STEAP2: variants seen among roughly 807,000 people sequenced by gnomAD.
The protein encoded by STEAP2 is metalloreductase STEAP2.
A neutral mutation model predicts 46.4 loss-of-function variants in STEAP2; 30 were observed. That is an observed-to-expected ratio of 0.65 (90% CI 0.48 to 0.88). The LOEUF is 0.88. Ranked by LOEUF, STEAP2 falls within the 40% of genes least tolerant of loss-of-function variation. The pLI is 0.00. For synonymous variants in STEAP2, 180 were observed against 200.5 expected (o/e 0.90, Z 0.86); for missense variants, 513 against 579.3 (o/e 0.89, Z 1.18).
intron 2 of STEAP2, among the ~76,000 whole-genome samples, chr7:90,222,449 C>A (rs1795291109): frequency 6.6e-6 from 1 of 152,134 alleles, no homozygotes. Context: ...TATAACCCCC[C>A]AAAAACACCC....
In STEAP2 at chr7:90,236,569, T is replaced by C. The variant is rs2116410819; in HGVS notation, c.*3945T>C. On this transcript the variant is annotated 3_prime_UTR_variant, in exon 6 of 6. Transcript: ENST00000394621. ...ATAATTTCAGTGGAAACTCAATCTGTTTTTACCTTTAAACAGTGAATTTTA... is the reference window on the plus strand; with the variant it reads ...ATAATTTCAGTGGAAACTCAATCTGCTTTTACCTTTAAACAGTGAATTTTA... The C allele has an allele frequency of 1.3e-5, 14 of 1,049,718 alleles. No individual in the cohort carries two copies. The highest frequency in any genetic ancestry group is 3.6e-5 in the South Asian group (1 of 27,774). 65.0% of individuals were successfully genotyped at this position (1,049,718 alleles called of 1,614,324 possible). A position where few individuals can be genotyped will look rare whatever the true frequency, so the allele number is the denominator to read the frequency against.
At chr7:90,223,636 C>G (rs752358217) in intron 2 of STEAP2, among the ~76,000 whole-genome samples, 7 of 152,104 alleles carry the variant, frequency 4.6e-5, no homozygotes, top group Non-Finnish European at 1.0e-4. Flanking sequence ...TGTCCTTGAC[C>G]AAAGCACAGC....
intron 2 of STEAP2, among the ~76,000 whole-genome samples, chr7:90,220,366 T>C (rs1795203563): frequency 6.6e-6 from 1 of 152,222 alleles, no homozygotes. Flanking sequence ...TGGTAGCTTG[T>C]ATATGTGTAG....
chr7:90,222,222 G>T lies in STEAP2; in HGVS notation c.-33-2828G>T, dbSNP rs772251492. ...GTTTTTTTCCTACCCTGGTACCTCT[G>T]ACTCCTGCCTGCCTTTCTGGGTGCA... is the stretch of plus-strand genomic sequence containing the variant. On this transcript the variant is annotated intron_variant, in intron 2 of 5. Transcript: ENST00000394621. 2.5e-4 allele frequency among the ~76,000 whole-genome samples: 38 copies of T among 152,104 alleles called. No homozygotes were observed. The Middle Eastern group carries it at 0.024, about 95-fold the overall frequency.
chr7:90,227,034 A>G lies in STEAP2; in HGVS notation c.556A>G (p.Asn186Asp), dbSNP rs1795521421. The change falls in exon 4 of 6, where the codon AAT becomes GAT. Residue 186 changes from asparagine to aspartate, a missense_variant. Transcript: ENST00000394621. The part of the protein sequence containing the change: ...QQVIELARQL[N>D]FIPIDLGSLS... Reference sequence around the variant, plus strand: ...GGTTATTGAACTTGCCCGCCAGTTGAATTTCATTCCCATTGACTTGGGATC... The same window carrying G: ...GGTTATTGAACTTGCCCGCCAGTTGGATTTCATTCCCATTGACTTGGGATC... 6.2e-7 allele frequency: 1 copy of G among 1,612,862 alleles called. No individual in the cohort carries two copies. Among genetic ancestry groups the G allele is most frequent in the Non-Finnish European group, 8.5e-7 (1 of 1,179,540 alleles).
At chr7:90,223,300 C>T (rs908813957) in intron 2 of STEAP2, among the ~76,000 whole-genome samples, 1 of 152,200 alleles carries the variant, frequency 6.6e-6, no homozygotes, top group African/African-American at 2.4e-5. Flanking sequence ...CCCACACACA[C>T]AGCTCCCTTG....
rs1795870559 is a variant in STEAP2 at position 90,234,122 on chromosome 7, A to AG, written c.*1501dup. 1 of 985,250 alleles carries AG rather than the reference A, an allele frequency of 1.0e-6. No homozygotes were observed. The highest frequency in any genetic ancestry group is 4.7e-5 in the South Asian group (1 of 21,292). The allele number at this position is 985,250 out of a possible 1,614,324, so 61.0% of individuals were successfully genotyped here. A position where few individuals can be genotyped will look rare whatever the true frequency, so the allele number is the denominator to read the frequency against. ...TCTCCTGCCTGCATAACCATTCATTAGGGAGTACTTTACAAGCATGAAGGA... is the reference window on the plus strand; with the variant it reads ...TCTCCTGCCTGCATAACCATTCATTAGGGGAGTACTTTACAAGCATGAAGGA... On this transcript the variant is annotated 3_prime_UTR_variant, in exon 6 of 6. Coordinates refer to ENST00000394621, the MANE Select transcript of STEAP2 (RefSeq NM_001244944.2).
chr7:90,218,066 T>G (rs1795102718), intron 2 of STEAP2, among the ~76,000 whole-genome samples: 1 of 152,186 alleles, frequency 6.6e-6, no homozygotes, highest in Admixed American at 6.5e-5. Context: ...TTTGTTTGTC[T>G]TCTTTGGAAA....
chr7:90,240,615 T>C (rs1562820895), downstream of STEAP2, among the ~76,000 whole-genome samples: 1 of 152,058 alleles, frequency 6.6e-6, no homozygotes, highest in Non-Finnish European at 1.5e-5. The surrounding 1 kb of genome is among the most constrained non-coding windows in gnomAD (Gnocchi z 4.1). Context: ...CAAGAAAAAG[T>C]CAGAAGGAAA....
chr7:90,226,968 C>T lies in STEAP2; in HGVS notation c.493-3C>T, dbSNP rs776745420. The stretch of plus-strand genomic sequence containing the variant: ...ATGCTGAGTCTTTTTGTTTTTTCCA[C>T]AGGTTTATATATGCAGCAACAATAT... On this transcript the variant is annotated splice_region_variant and splice_polypyrimidine_tract_variant and intron_variant, in intron 3 of 5. Coordinates refer to ENST00000394621, the MANE Select transcript of STEAP2 (RefSeq NM_001244944.2). 4.5e-6 allele frequency: 7 copies of T among 1,554,364 alleles called. No homozygotes were observed. The Admixed American group carries it at 6.3e-5, about 14-fold the overall frequency.
rs532580443 is a variant in STEAP2 at position 90,236,504 on chromosome 7, G to A, written c.*3880G>A. Reference sequence around the variant, plus strand: ...ATCAGTGGGTAAAACAAATTCTGATGTACATTCAGGACAAATGATTAGCCC... The same window carrying A: ...ATCAGTGGGTAAAACAAATTCTGATATACATTCAGGACAAATGATTAGCCC... On this transcript the variant is annotated 3_prime_UTR_variant, in exon 6 of 6. Coordinates refer to ENST00000394621, the MANE Select transcript of STEAP2 (RefSeq NM_001244944.2). The A allele has an allele frequency of 7.1e-5, 71 of 1,005,538 alleles. No homozygotes were observed. In the African/African-American group the frequency reaches 8.7e-4, roughly 12 times the overall value. 62.3% of individuals were successfully genotyped at this position (1,005,538 alleles called of 1,614,324 possible).
downstream of STEAP2, among the ~76,000 whole-genome samples, chr7:90,241,265 G>A (rs141593511): frequency 4.1e-4 from 63 of 152,164 alleles, no homozygotes; most frequent in Non-Finnish European, 6.5e-4. Flanking sequence ...TCTCAGAATG[G>A]AGATTCTGAG....
At position 90,223,036 on chromosome 7, in the gene STEAP2, A is replaced by G. The variant is rs1040768111; in HGVS notation, c.-33-2014A>G. Among the ~76,000 whole-genome samples, 4 of 152,190 alleles carry G rather than the reference A, an allele frequency of 2.6e-5. No homozygotes were observed. In the East Asian group the frequency reaches 7.7e-4, roughly 29 times the overall value. On this transcript the variant is annotated intron_variant, in intron 2 of 5. Coordinates refer to ENST00000394621, the MANE Select transcript of STEAP2 (RefSeq NM_001244944.2). ...TATTCTTGAGCAAATTATTCCAAAT[A>G]TGAACATTTCAGATGCTAGTCTCTC... is the stretch of plus-strand genomic sequence containing the variant.
rs201387503 is a variant in STEAP2 at position 90,232,411 on chromosome 7, G to T, written c.1260G>T (p.Glu420Asp). ...TTTATGGATGGAAACGAGCTTTTGA[G>T]GAAGAGTACTACAGATTTTATACAC... ...VLIYGWKRAF[E>D]EEYYRFYTPP... Residue 420 changes from glutamate (E) to aspartate (D), a missense_variant, in exon 6 of 6, where the codon GAG (glutamate) becomes GAT (aspartate). Coordinates refer to ENST00000394621, the MANE Select transcript of STEAP2 (RefSeq NM_001244944.2). The T allele has an allele frequency of 1.2e-6, 2 of 1,613,342 alleles. No individual in the cohort carries two copies. The highest frequency in any genetic ancestry group is 4.5e-5 in the East Asian group (2 of 44,858).
rs542622634 is a variant in STEAP2, at chr7:90,233,147, A to G, written c.*523A>G. 6 of 984,752 alleles carry G rather than the reference A, an allele frequency of 6.1e-6. No homozygotes were observed. The South Asian group carries it at 2.8e-4, about 46-fold the overall frequency. 61.0% of individuals were successfully genotyped at this position (984,752 alleles called of 1,614,324 possible). A position where few individuals can be genotyped will look rare whatever the true frequency, so the allele number is the denominator to read the frequency against. On this transcript the variant is annotated 3_prime_UTR_variant, in exon 6 of 6. Coordinates refer to ENST00000394621, the MANE Select transcript of STEAP2 (RefSeq NM_001244944.2). ...TCCTATATTTCTCTCATAAAATAGGATTTGAAGGATGAAATTAATTGTATG... is the reference window on the plus strand; with the variant it reads ...TCCTATATTTCTCTCATAAAATAGGGTTTGAAGGATGAAATTAATTGTATG...
In STEAP2 at chr7:90,225,383, CT is replaced by C; in HGVS notation, c.302del (p.Leu101ArgfsTer4). 1 of 1,613,834 alleles carries C rather than the reference CT, an allele frequency of 6.2e-7. No individual in the cohort carries two copies. Among genetic ancestry groups the C allele is most frequent in the Non-Finnish European group, 8.5e-7 (1 of 1,179,922 alleles). On this transcript the variant is annotated frameshift_variant, in exon 3 of 6. Transcript: ENST00000394621. LOFTEE classifies it high-confidence loss of function. ...TATACACAGAGAACATTATACCTCC[CT>C]GTGGGACCTGAGACATCTGCTTGTG... ...VAIHREHYTS[L>X]WDLRHLLVGK...
At chr7:90,228,023 A>T (rs1375977934) in intron 4 of STEAP2, among the ~76,000 whole-genome samples, 2 of 152,134 alleles carry the variant, frequency 1.3e-5, no homozygotes, top group African/African-American at 2.4e-5. Flanking sequence ...ATTATTTACA[A>T]AGCTCTTGTT....
At chr7:90,230,637 ATTC>A (rs1270732409) in intron 5 of STEAP2, among the ~76,000 whole-genome samples, 1 of 152,018 alleles carries the variant, frequency 6.6e-6, no homozygotes, top group Non-Finnish European at 1.5e-5. Flanking sequence ...CCACCATTGT[ATTC>A]TTTAATAAGT....
At chr7:90,229,630 A>T (rs2116333950) in intron 4 of STEAP2, among the ~76,000 whole-genome samples, 1 of 152,274 alleles carries the variant, frequency 6.6e-6, no homozygotes, top group South Asian at 2.1e-4. Context: ...TTGCCCCTCT[A>T]TTCTAGCACG....
Sources: allele counts gnomAD v4.1 joint callset (sites outside exome capture counted in the v4.1 genomes callset), GRCh38; gene constraint gnomAD v4.1.1; non-coding constraint Gnocchi (gnomAD v3.1); transcripts MANE v1.5; gene names NCBI Gene and HGNC (gene_info 2026-07-23, HGNC 2026-07-21).